TMEM266: variants seen among roughly 807,000 people sequenced by gnomAD.
The protein encoded by TMEM266 is transmembrane protein 266, also known as Hv1 related protein 1.
A neutral mutation model predicts 50.5 loss-of-function variants in TMEM266; 33 were observed. That is an observed-to-expected ratio of 0.65 (90% CI 0.50 to 0.87). The LOEUF (loss-of-function observed/expected upper bound fraction) is 0.87, where lower values mean the gene tolerates loss of function less well. TMEM266 is among the 40% of genes least tolerant of loss of function. The pLI, the probability that TMEM266 is intolerant of heterozygous loss-of-function variation, is 0.00. For synonymous variants in TMEM266, 310 were observed against 292.3 expected, an observed-to-expected ratio of 1.06 and a Z score of -0.62; for missense variants, 655 against 695.1, an observed-to-expected ratio of 0.94 and a Z score of 0.65.
In TMEM266 at chr15:76,164,444, G is replaced by A. The variant is rs144427247; in HGVS notation, c.456+4276G>A. Among the ~76,000 whole-genome samples the A allele has an allele frequency of 1.9e-3, 295 of 152,276 alleles. 1 individual carries two copies. The highest frequency in any genetic ancestry group is 6.8e-3 in the African/African-American group (281 of 41,554). Reference sequence around the variant, plus strand: ...GCTGGTCTCAAACTCCTGAGCTCAAGTGATCCTCCCTACTTGGCCTCCCAA... The same window carrying A: ...GCTGGTCTCAAACTCCTGAGCTCAAATGATCCTCCCTACTTGGCCTCCCAA... On this transcript the variant is annotated intron_variant, in intron 5 of 10. Coordinates refer to ENST00000388942, the MANE Select transcript of TMEM266 (RefSeq NM_152335.3).
intron 2 of TMEM266, among the ~76,000 whole-genome samples, chr15:76,135,428 G>A (rs2037574519): frequency 1.3e-5 from 2 of 152,212 alleles, no homozygotes; most frequent in Admixed American, 1.3e-4. Flanking sequence ...AGAAACGTTG[G>A]AAAGCCAGAA....
intron 1 of TMEM266, among the ~76,000 whole-genome samples, chr15:76,075,837 C>CTT (rs71140194): frequency 0.087 from 2,055 of 23,592 alleles, 938 homozygotes; most frequent in Non-Finnish European, 0.15. Context: ...GAGAAGGCAG[C>CTT]TTTTTTTTTT....
At chr15:76,198,508 GTC>G (rs781203354) in intron 9 of TMEM266, among the ~76,000 whole-genome samples, 8 of 152,230 alleles carry the variant, frequency 5.3e-5, no homozygotes, top group Non-Finnish European at 1.0e-4. Flanking sequence ...AGATCCCCCA[GTC>G]TCTCTGTAGG....
rs1016120344 is a variant in TMEM266, at chr15:76,096,799, G to A, written c.-97+36783G>A. ...ATGAATCTGGGTGCTCCTGTATTGG[G>A]TGCATATATATTTTGGATAGTTAGC... is the stretch of plus-strand genomic sequence containing the variant. On this transcript the variant is annotated intron_variant, in intron 1 of 10. Coordinates refer to ENST00000388942, the MANE Select transcript of TMEM266 (RefSeq NM_152335.3). Among the ~76,000 whole-genome samples the A allele has an allele frequency of 2.8e-4, 42 of 151,938 alleles. 1 individual carries two copies. Among genetic ancestry groups the A allele is most frequent in the African/African-American group, 1.0e-3 (42 of 41,376 alleles).
rs543723894 is a variant in TMEM266 at position 76,171,637 on chromosome 15, A to G, written c.652+506A>G. 8.0e-4 allele frequency among the ~76,000 whole-genome samples: 122 copies of G among 152,268 alleles called. 1 individual carries two copies. The highest frequency in any genetic ancestry group is 2.8e-3 in the African/African-American group (118 of 41,544). On this transcript the variant is annotated intron_variant, in intron 7 of 10. Transcript: ENST00000388942. ...CCACAAGCCCATTGACCTGCAAACA[A>G]GTAGAGAAGGGAGCTGCTGGCAGGG...
In TMEM266 at chr15:76,180,360, T is replaced by C. The variant is rs373804327; in HGVS notation, c.768+4686T>C. Reference sequence around the variant, plus strand: ...CCTGAAGGGTTTTGGGGAGCACTGGTCGGGTGTTTTTGTTTTACAGGATGC... The same window carrying C: ...CCTGAAGGGTTTTGGGGAGCACTGGCCGGGTGTTTTTGTTTTACAGGATGC... On this transcript the variant is annotated intron_variant, in intron 8 of 10. Coordinates refer to ENST00000388942, the MANE Select transcript of TMEM266 (RefSeq NM_152335.3). Among the ~76,000 whole-genome samples the C allele has an allele frequency of 1.6e-4, 25 of 152,212 alleles. 1 individual carries two copies. In the East Asian group the frequency reaches 4.6e-3, roughly 28 times the overall value.
intron 1 of TMEM266, among the ~76,000 whole-genome samples, chr15:76,070,257 C>T (rs1376902196): frequency 6.6e-6 from 1 of 152,134 alleles, no homozygotes; most frequent in East Asian, 1.9e-4. Flanking sequence ...CATCTGTGTT[C>T]CAGTTAGGAA....
At chr15:76,164,830 C>T (rs957195735) in intron 5 of TMEM266, among the ~76,000 whole-genome samples, 1 of 151,868 alleles carries the variant, frequency 6.6e-6, no homozygotes, top group Non-Finnish European at 1.5e-5. Flanking sequence ...CACGGCTGCT[C>T]CCTTCTCCCT....
intron 1 of TMEM266, among the ~76,000 whole-genome samples, chr15:76,127,109 A>G (rs1192341152): frequency 2.0e-5 from 3 of 152,210 alleles, no homozygotes; most frequent in Non-Finnish European, 4.4e-5. Context: ...CAGTATTCTC[A>G]TTACTACCAA....
chr15:76,093,783 C>T (rs2036886861), intron 1 of TMEM266, among the ~76,000 whole-genome samples: 1 of 152,046 alleles, frequency 6.6e-6, no homozygotes. Context: ...TCTGTTGTTT[C>T]CTGGCTTTTT....
chr15:76,120,946 T>C (rs74024085), intron 1 of TMEM266, among the ~76,000 whole-genome samples: 7,903 of 152,108 alleles, frequency 0.052, 489 homozygotes, highest in African/African-American at 0.15. Context: ...TATAAAGCTG[T>C]ATATATGCAT....
Position 76,061,958 on chromosome 15 carries a change from CTA to C in TMEM266, c.-97+1944_-97+1945del, listed in dbSNP as rs575185370. On this transcript the variant is annotated intron_variant, in intron 1 of 10. Coordinates refer to ENST00000388942, the MANE Select transcript of TMEM266 (RefSeq NM_152335.3). ...AGCCGTGGCTCGTAATCCAGTCTCT[CTA>C]TGATTGTAGCAATTATGCATTCAAA... Among the ~76,000 whole-genome samples the C allele has an allele frequency of 1.3e-4, 20 of 152,306 alleles. No individual in the cohort carries two copies. The South Asian group carries it at 3.9e-3, about 30-fold the overall frequency.
chr15:76,183,901 G>A (rs1177070376), intron 8 of TMEM266, among the ~76,000 whole-genome samples: 3 of 152,168 alleles, frequency 2.0e-5, no homozygotes, highest in Non-Finnish European at 4.4e-5. Context: ...TGGAGGAACC[G>A]GAGCAGACGT....
Position 76,203,808 on chromosome 15 carries a change from C to T in TMEM266, c.1089C>T (p.Asn363=). The T allele has an allele frequency of 1.9e-6, 3 of 1,614,222 alleles. No homozygotes were observed. Among genetic ancestry groups the T allele is most frequent in the South Asian group, 2.2e-5 (2 of 91,088 alleles). ...CCGCAATAGACATTCACCAGCCCAA[C>T]ATCTCCTCGGACCTCTTCTCTCTGG... is the stretch of plus-strand genomic sequence containing the variant. The change falls in exon 11 of 11, where the codon AAC becomes AAT. Residue 363 remains asparagine (N), a synonymous_variant. Transcript: ENST00000388942.
chr15:76,130,171 C>G (rs2037484284), intron 1 of TMEM266, among the ~76,000 whole-genome samples: 1 of 122,894 alleles, frequency 8.1e-6, no homozygotes, highest in Admixed American at 1.1e-4. Context: ...TAGTGAGTTT[C>G]CGTTGTATCA....
chr15:76,198,105 T>A (rs2038682027), intron 9 of TMEM266, among the ~76,000 whole-genome samples: 1 of 152,120 alleles, frequency 6.6e-6, no homozygotes, highest in South Asian at 2.1e-4. Flanking sequence ...TAAACATTCA[T>A]GATCTCAGGG....
intron 8 of TMEM266, among the ~76,000 whole-genome samples, chr15:76,184,607 C>T (rs898857477): frequency 1.3e-5 from 2 of 152,222 alleles, no homozygotes; most frequent in Non-Finnish European, 2.9e-5. Flanking sequence ...ACTGCTATTG[C>T]ATTAGATACC....
intron 8 of TMEM266, among the ~76,000 whole-genome samples, chr15:76,178,022 G>A (rs904492411): frequency 6.6e-6 from 1 of 152,198 alleles, no homozygotes; most frequent in Non-Finnish European, 1.5e-5. Flanking sequence ...TGGGGTGTGC[G>A]AGTGGGTGCA....
intron 3 of TMEM266, among the ~76,000 whole-genome samples, chr15:76,142,179 A>G (rs2037689635): frequency 6.6e-6 from 1 of 152,232 alleles, no homozygotes; most frequent in Non-Finnish European, 1.5e-5. Context: ...ACTTGAGGTC[A>G]GCAGTTCAAG....
Sources: gnomAD v4.1 joint callset for allele counts (sites outside exome capture counted in the v4.1 genomes callset) on GRCh38, gnomAD v4.1.1 for gene constraint, MANE v1.5 for transcripts, NCBI Gene and HGNC (gene_info 2026-07-23, HGNC 2026-07-21) for gene names.